Variants in SUGCT observed in about 807,000 individuals in gnomAD.
SUGCT encodes succinyl-CoA:glutarate-CoA transferase.
Under a neutral mutation model 55.0 loss-of-function variants are expected in SUGCT, and 41 were observed. The ratio of observed to expected loss-of-function variants is 0.74; its 90% CI spans 0.58 to 0.97. The LOEUF (loss-of-function observed/expected upper bound fraction) is 0.97, where lower values mean the gene tolerates loss of function less well. SUGCT is among the 50% of genes least tolerant of loss of function. The probability of loss-of-function intolerance (pLI) is 0.00; values close to 1 mark genes in which losing one functional copy is unlikely to be tolerated. For missense variants in SUGCT, 568 were observed against 547.8 expected, an observed-to-expected ratio of 1.04 and a Z score of -0.37; for synonymous variants, 187 against 200.4, an observed-to-expected ratio of 0.93 and a Z score of 0.56.
At chr7:40,367,382 A>C (rs1368825695) in intron 9 of SUGCT, among the ~76,000 whole-genome samples, 2 of 151,834 alleles carry the variant, frequency 1.3e-5, no homozygotes, top group Admixed American at 6.6e-5. Context: ...TAACCTGCAC[A>C]TTTTGCACCT....
chr7:40,819,278 T>C (rs944519323), intron 13 of SUGCT, among the ~76,000 whole-genome samples: 4 of 152,174 alleles, frequency 2.6e-5, no homozygotes, highest in South Asian at 2.1e-4. Flanking sequence ...TACCCAGTAA[T>C]GGTTTGGCTG....
chr7:40,533,449 A>T (rs547553989), intron 12 of SUGCT, among the ~76,000 whole-genome samples: 86 of 152,140 alleles, frequency 5.7e-4, no homozygotes, highest in African/African-American at 2.0e-3. Context: ...TAAATCCAAA[A>T]TCTTGTTTTA....
At chr7:40,869,147 A>T in the SUGCT span, among the ~76,000 whole-genome samples, 3 of 152,170 alleles carry the variant, frequency 2.0e-5, no homozygotes, top group Admixed American at 6.5e-5. Flanking sequence ...ATCCAATCAA[A>T]CACTAAGTAA....
At chr7:40,548,862 A>G (rs1218226456) in intron 12 of SUGCT, among the ~76,000 whole-genome samples, 1 of 152,182 alleles carries the variant, frequency 6.6e-6, no homozygotes, top group East Asian at 1.9e-4. Flanking sequence ...TCGGACACCC[A>G]ATCCATGTCT....
At chr7:40,766,117 T>A (rs1313507466) in intron 13 of SUGCT, among the ~76,000 whole-genome samples, 1 of 152,192 alleles carries the variant, frequency 6.6e-6, no homozygotes, top group Non-Finnish European at 1.5e-5. Flanking sequence ...GTTGAAACCA[T>A]GAAGCCCTCA....
In SUGCT at chr7:40,377,189, T is replaced by C. The variant is rs1449830941; in HGVS notation, c.816+60334T>C. The stretch of plus-strand genomic sequence containing the variant: ...TTCTTTCTTTCTTTCTTTCTTTCTT[T>C]CTTTCTTTCTTTTCTTTTCTTTTCT... On this transcript the variant is annotated intron_variant, in intron 9 of 13. Coordinates refer to ENST00000335693, the MANE Select transcript of SUGCT (RefSeq NM_001193313.2). Among the ~76,000 whole-genome samples the C allele has an allele frequency of 2.9e-3, 34 of 11,772 alleles. 6 individuals carry two copies. The highest frequency in any genetic ancestry group is 0.027 in the Non-Finnish European group (22 of 824). 7.7% of individuals were successfully genotyped at this position (11,772 alleles called of 152,430 possible).
chr7:40,188,451 A>AAC lies in SUGCT; in HGVS notation c.227-43_227-42insCA. On this transcript the variant is annotated intron_variant, in intron 3 of 13. Transcript: ENST00000335693. ...TCCATCTCCAAAAAAAAAAAAAAAA[A>AAC]AAAACAAACCCCAAAGATTAATAGC... is the stretch of plus-strand genomic sequence containing the variant. 7.4e-6 allele frequency: 10 copies of AAC among 1,350,456 alleles called. No individual in the cohort carries two copies. The South Asian group carries it at 1.1e-4, about 14-fold the overall frequency. 83.7% of individuals were successfully genotyped at this position (1,350,456 alleles called of 1,614,324 possible).
chr7:40,214,406 C>A lies in SUGCT; in HGVS notation c.484+19346C>A, dbSNP rs149395273. ...ATAATATATTACATAATATTTACAG[C>A]AGCCCCATGGGGTAGCTTCAATTAT... On this transcript the variant is annotated intron_variant, in intron 6 of 13. Transcript: ENST00000335693. Among the ~76,000 whole-genome samples the A allele has an allele frequency of 5.5e-4, 84 of 152,256 alleles. 1 individual carries two copies. Among genetic ancestry groups the A allele is most frequent in the African/African-American group, 1.9e-3 (80 of 41,550 alleles).
chr7:40,634,264 C>T (rs1055182278), intron 12 of SUGCT, among the ~76,000 whole-genome samples: 7 of 152,282 alleles, frequency 4.6e-5, no homozygotes, highest in Middle Eastern at 3.4e-3. Context: ...GGCACTGAGA[C>T]GGGAAAGAGG....
At chr7:40,891,533 A>C in the SUGCT span, among the ~76,000 whole-genome samples, 1 of 152,228 alleles carries the variant, frequency 6.6e-6, no homozygotes, top group Non-Finnish European at 1.5e-5. Context: ...AAAAAAGAAC[A>C]AAAACTGCCA....
intron 12 of SUGCT, among the ~76,000 whole-genome samples, chr7:40,554,915 T>C (rs10240076): frequency 0.042 from 6,395 of 152,230 alleles, 444 homozygotes; most frequent in African/African-American, 0.15. Context: ...CCCATCATCA[T>C]ACATTCATGT....
At chr7:40,835,412 T>G (rs1258653281) in intron 13 of SUGCT, among the ~76,000 whole-genome samples, 1 of 152,208 alleles carries the variant, frequency 6.6e-6, no homozygotes, top group East Asian at 1.9e-4. Context: ...TTCTTCAAAT[T>G]TCTTCTTACC....
At chr7:40,268,961 T>C (rs1264373958) in intron 7 of SUGCT, among the ~76,000 whole-genome samples, 3 of 152,194 alleles carry the variant, frequency 2.0e-5, no homozygotes, top group Non-Finnish European at 4.4e-5. Flanking sequence ...CTTGGGTATA[T>C]ACCCCTTAGT....
chr7:40,194,942 T>A lies in SUGCT; in HGVS notation c.366T>A (p.Leu122=). 3.1e-6 allele frequency: 5 copies of A among 1,612,984 alleles called. No individual in the cohort carries two copies. Among genetic ancestry groups the A allele is most frequent in the Non-Finnish European group, 4.2e-6 (5 of 1,179,552 alleles). ...CTCATGTTCACCTCTTCCATCAGCT[T>A]GCAGCTGTTTGTGATGTGTTTGTGG... ...DPKGVKIIKE[L]AAVCDVFVEN... The change falls in exon 6 of 14, where the codon CTT becomes CTA. Residue 122 remains leucine (L), a splice_region_variant and synonymous_variant. Coordinates refer to ENST00000335693, the MANE Select transcript of SUGCT (RefSeq NM_001193313.2).
chr7:40,199,893 T>C (rs1289465762), intron 6 of SUGCT, among the ~76,000 whole-genome samples: 2 of 152,002 alleles, frequency 1.3e-5, no homozygotes, highest in South Asian at 2.1e-4. Flanking sequence ...TAGCATTACA[T>C]AGAGTTAAAA....
intron 8 of SUGCT, among the ~76,000 whole-genome samples, chr7:40,275,988 G>T (rs549789866): frequency 6.6e-6 from 1 of 152,298 alleles, no homozygotes; most frequent in African/African-American, 2.4e-5. Context: ...TAGACATAGA[G>T]ACCCCAGTTG....
intron 12 of SUGCT, among the ~76,000 whole-genome samples, chr7:40,498,489 C>T (rs540898168): frequency 6.6e-6 from 1 of 152,280 alleles, no homozygotes; most frequent in Non-Finnish European, 1.5e-5. Context: ...ATCCTCCCCA[C>T]CAGAACTATC....
intron 12 of SUGCT, among the ~76,000 whole-genome samples, chr7:40,670,555 T>C (rs188610164): frequency 6.6e-6 from 1 of 151,940 alleles, no homozygotes; most frequent in African/African-American, 2.4e-5. Flanking sequence ...ATTAAAAAAA[T>C]TTTTTTTAGA....
intron 11 of SUGCT, among the ~76,000 whole-genome samples, chr7:40,494,814 T>G (rs546557449): frequency 1.3e-5 from 2 of 152,314 alleles, no homozygotes; most frequent in South Asian, 4.1e-4. Context: ...GAACATACAT[T>G]TATTCCATTT....
Sources: allele counts gnomAD v4.1 joint callset (sites outside exome capture counted in the v4.1 genomes callset), GRCh38; gene constraint gnomAD v4.1.1; transcripts MANE v1.5; gene names NCBI Gene and HGNC (gene_info 2026-07-23, HGNC 2026-07-21).